Variants in RAB27A observed in about 807,000 individuals in gnomAD.
The protein encoded by RAB27A is ras-related protein Rab-27A.
In RAB27A, 17 loss-of-function variants were observed where a neutral mutation model predicts 20.8. The ratio of observed to expected loss-of-function variants is 0.82; its 90% CI spans 0.56 to 1.23. The LOEUF is 1.23. Ranked by LOEUF, RAB27A falls within the 50% of genes most tolerant of loss-of-function variation. The pLI is 0.00. For synonymous variants in RAB27A, 85 were observed against 92.8 expected, an observed-to-expected ratio of 0.92 and a Z score of 0.48; for missense variants, 277 against 266.7, an observed-to-expected ratio of 1.04 and a Z score of -0.27.
At chr15:55,280,503 T>TTATATATATATATATATATATATATATA (rs71297648) in intron 1 of RAB27A, among the ~76,000 whole-genome samples, 2 of 137,932 alleles carry the variant, frequency 1.4e-5, no homozygotes, top group African/African-American at 5.8e-5. Context: ...TGGGTATGGT[T>TTATATATATATATATATATATATATATA]TATATATATA....
At chr15:55,210,280 A>G (rs993566818) in intron 6 of RAB27A, among the ~76,000 whole-genome samples, 1 of 125,410 alleles carries the variant, frequency 8.0e-6, no homozygotes, top group Non-Finnish European at 1.6e-5. Context: ...TTCTATTTTT[A>G]GTTTTTTTTT....
chr15:55,210,427 A>G (rs7178535), intron 6 of RAB27A, among the ~76,000 whole-genome samples: 2,612 of 115,790 alleles, frequency 0.023, 100 homozygotes, highest in African/African-American at 0.082. Flanking sequence ...TTTTTTTTTG[A>G]GGGGGGGGGA....
upstream of RAB27A, chr15:55,290,483 T>C (rs1259962355): frequency 1.3e-5 from 2 of 152,274 alleles, no homozygotes; most frequent in Non-Finnish European, 2.9e-5. Context: ...AAACGGAGTC[T>C]CTGCTCACAC....
intron 1 of RAB27A, chr15:55,317,169 T>C (rs2055051370): frequency 6.6e-6 from 1 of 152,004 alleles, no homozygotes; most frequent in African/African-American, 2.4e-5. Flanking sequence ...ACAATAAACA[T>C]TAAAATTAAC....
rs147173015 is a variant in RAB27A at position 55,233,968 on chromosome 15, G to T, written c.153+814C>A. On this transcript the variant is annotated intron_variant, in intron 3 of 6. Transcript: ENST00000336787. ...GGTCTTAATCTCTATAAGCCTCTCT[G>T]GTAGTAGAATAAAATACTAGAATGG... Among the ~76,000 whole-genome samples the T allele has an allele frequency of 3.3e-3, 501 of 152,182 alleles. 5 individuals carry two copies. The highest frequency in any genetic ancestry group is 0.011 in the African/African-American group (471 of 41,528).
intron 2 of RAB27A, among the ~76,000 whole-genome samples, chr15:55,241,600 T>TTCTATATATATATATA (rs1388634936): frequency 1.2e-4 from 15 of 123,876 alleles, no homozygotes; most frequent in African/African-American, 6.4e-4. Context: ...CAAGACCTAT[T>TTCTATATATATATATA]TATATATATA....
At chr15:55,221,425 T>G (rs912842426) in intron 6 of RAB27A, among the ~76,000 whole-genome samples, 5 of 152,198 alleles carry the variant, frequency 3.3e-5, no homozygotes, top group Non-Finnish European at 7.3e-5. Context: ...GTGGTAATCG[T>G]TCTCTCCCTG....
At chr15:55,295,996 A>G (rs1361874258) in intron 2 of RAB27A, among the ~76,000 whole-genome samples, 1 of 151,012 alleles carries the variant, frequency 6.6e-6, no homozygotes, top group East Asian at 2.0e-4. Flanking sequence ...TTCCGGTTTC[A>G]AGCGATACTC....
chr15:55,310,484 G>A (rs1004131598), intron 2 of RAB27A, among the ~76,000 whole-genome samples: 2 of 152,144 alleles, frequency 1.3e-5, no homozygotes, highest in East Asian at 1.9e-4. Flanking sequence ...TTGACATAAG[G>A]GGCATGGACG....
intron 2 of RAB27A, among the ~76,000 whole-genome samples, chr15:55,264,197 T>G (rs1025288598): frequency 1.3e-5 from 2 of 152,140 alleles, no homozygotes; most frequent in South Asian, 4.1e-4. Context: ...AGTACAGGCA[T>G]GCACCACCAC....
At position 55,203,904 on chromosome 15, in the gene RAB27A, T is replaced by C. The variant is rs938071949; in HGVS notation, c.*1603A>G. ...AGTGGAAGGACAGTGGAAAAAAAAATAGGTTTTTTCATGATACTTTTATTT... is the reference window on the plus strand; with the variant it reads ...AGTGGAAGGACAGTGGAAAAAAAAACAGGTTTTTTCATGATACTTTTATTT... On this transcript the variant is annotated 3_prime_UTR_variant, in exon 7 of 7. Transcript: ENST00000336787. 6.6e-6 allele frequency: 1 copy of C among 151,962 alleles called. No individual in the cohort carries two copies. The highest frequency in any genetic ancestry group is 2.4e-5 in the African/African-American group (1 of 41,370). 9.4% of individuals were successfully genotyped at this position (151,962 alleles called of 1,614,324 possible).
At chr15:55,225,621 T>C (rs1375970792) in intron 5 of RAB27A, among the ~76,000 whole-genome samples, 1 of 152,174 alleles carries the variant, frequency 6.6e-6, no homozygotes. Flanking sequence ...TATTAAAGCA[T>C]TTAGAAGAGC....
At chr15:55,241,143 A>G (rs2141007517) in intron 2 of RAB27A, among the ~76,000 whole-genome samples, 1 of 152,312 alleles carries the variant, frequency 6.6e-6, no homozygotes, top group East Asian at 1.9e-4. Flanking sequence ...ATAAGAAAGT[A>G]CATTGAGCCC....
chr15:55,277,930 G>A (rs1448092974), intron 1 of RAB27A, among the ~76,000 whole-genome samples: 1 of 152,102 alleles, frequency 6.6e-6, no homozygotes, highest in Non-Finnish European at 1.5e-5. Context: ...TCTTCAACCT[G>A]TTTCATCATC....
chr15:55,209,873 TATATGTGTGTGTATACATATATACAC>T (rs1440388966), intron 6 of RAB27A, among the ~76,000 whole-genome samples: 2 of 10,090 alleles, frequency 2.0e-4, no homozygotes, highest in Non-Finnish European at 6.6e-4. Flanking sequence ...CATATATACA[TATATGTGTGTGTATACATATATACAC>T]ATATGTGTGT....
Position 55,228,576 on chromosome 15 carries a change from T to C in RAB27A, c.343+33A>G, listed in dbSNP as rs74015516. 9.1e-3 allele frequency: 13,286 copies of C among 1,460,820 alleles called. 1,078 individuals are homozygous for C. In the African/African-American group the frequency reaches 0.17, roughly 18 times the overall value. The allele number at this position is 1,460,820 out of a possible 1,614,324, so 90.5% of individuals were successfully genotyped here. A position where few individuals can be genotyped will look rare whatever the true frequency, so the allele number is the denominator to read the frequency against. On this transcript the variant is annotated intron_variant, in intron 5 of 6. Coordinates refer to ENST00000336787, the MANE Select transcript of RAB27A (RefSeq NM_183235.3). ...GCATTCTATAAATAAGAGGGGACTGTGTAGCAGGACACTGGGGAACAATAA... is the reference window on the plus strand; with the variant it reads ...GCATTCTATAAATAAGAGGGGACTGCGTAGCAGGACACTGGGGAACAATAA...
intron 1 of RAB27A, among the ~76,000 whole-genome samples, chr15:55,272,367 C>G (rs1897735636): frequency 6.6e-6 from 1 of 152,106 alleles, no homozygotes; most frequent in Admixed American, 6.5e-5. Flanking sequence ...CCAATGCACT[C>G]CAGCTTGGGT....
At chr15:55,315,147 A>T (rs1487225108) in intron 1 of RAB27A, among the ~76,000 whole-genome samples, 1 of 152,228 alleles carries the variant, frequency 6.6e-6, no homozygotes, top group Non-Finnish European at 1.5e-5. Context: ...CCTGAGAAAA[A>T]CAAGCAATGG....
At chr15:55,228,147 G>A (rs1430430658) in intron 5 of RAB27A, among the ~76,000 whole-genome samples, 1 of 152,144 alleles carries the variant, frequency 6.6e-6, no homozygotes, top group Non-Finnish European at 1.5e-5. Context: ...GGGACTCTAA[G>A]CACAGAAAAG....
Sources: gnomAD v4.1 joint callset for allele counts (sites outside exome capture counted in the v4.1 genomes callset) on GRCh38, gnomAD v4.1.1 for gene constraint, MANE v1.5 for transcripts, NCBI Gene and HGNC (gene_info 2026-07-23, HGNC 2026-07-21) for gene names.